Variants in WDR59 observed in about 807,000 individuals in gnomAD.
WDR59 encodes WD repeat domain 59, also known as GATOR2 complex protein WDR59.
In WDR59, 100 loss-of-function variants were observed where a neutral mutation model predicts 131.2. The ratio of observed to expected loss-of-function variants is 0.76; its 90% CI spans 0.65 to 0.90. The LOEUF is 0.90. WDR59 is among the 40% of genes least tolerant of loss of function. The pLI is 0.00. For synonymous variants in WDR59, 601 were observed against 466.2 expected (o/e 1.29, Z -3.72); for missense variants, 1,203 against 1,262.2 (o/e 0.95, Z 0.71).
At chr16:74,934,710 G>A (rs11642484) in intron 8 of WDR59, among the ~76,000 whole-genome samples, 80,331 of 152,126 alleles carry the variant, frequency 0.53, 24,658 homozygotes, top group East Asian at 0.72. Context: ...CACTTTGGGA[G>A]GCTGAAGCAG....
intron 13 of WDR59, among the ~76,000 whole-genome samples, chr16:74,912,797 A>G (rs1050882217): frequency 1.3e-5 from 2 of 152,214 alleles, no homozygotes; most frequent in African/African-American, 4.8e-5. Context: ...AGTATTCCTT[A>G]TGGGAAACAA....
intron 14 of WDR59, 104 bp downstream of exon 14, chr16:74,912,094 G>T: frequency 6.7e-7 from 1 of 1,500,400 alleles, no homozygotes; most frequent in Non-Finnish European, 9.2e-7. Context: ...GTACGAAACA[G>T]ATGACTTCCG....
intron 10 of WDR59, among the ~76,000 whole-genome samples, chr16:74,921,408 A>C (rs2030211185): frequency 6.6e-6 from 1 of 152,240 alleles, no homozygotes; most frequent in Non-Finnish European, 1.5e-5. Context: ...ATGGGTAACT[A>C]ACAATGGGTT....
At chr16:74,976,834 A>G (rs1403344416) in intron 1 of WDR59, among the ~76,000 whole-genome samples, 1 of 152,080 alleles carries the variant, frequency 6.6e-6, no homozygotes, top group African/African-American at 2.4e-5. Context: ...CCTGGCCAAC[A>G]TGGCTCTATA....
intron 8 of WDR59, among the ~76,000 whole-genome samples, chr16:74,931,084 G>C (rs868854735): frequency 1.3e-5 from 2 of 151,914 alleles, no homozygotes; most frequent in Non-Finnish European, 2.9e-5. Flanking sequence ...AAATATCTAT[G>C]TGTGTTTTCC....
rs2033912728 is a variant in WDR59 at position 74,969,845 on chromosome 16, G to T, written c.55-4023C>A. 2.0e-5 allele frequency among the ~76,000 whole-genome samples: 3 copies of T among 151,986 alleles called. No homozygotes were observed. In the South Asian group the frequency reaches 6.2e-4, roughly 31 times the overall value. On this transcript the variant is annotated intron_variant, in intron 1 of 25. Transcript: ENST00000262144. ...ATTGTCACACAGGTTGGAGTACAGT[G>T]GCATGATCTCAGCTCACTGCAGCCT...
At chr16:74,948,695 A>G (rs994575139) in intron 5 of WDR59, 139 bp from the exon 6 acceptor site, 1 of 727,810 alleles carries the variant, frequency 1.4e-6, no homozygotes, top group Non-Finnish European at 2.4e-6. Flanking sequence ...AGGGCCTTAA[A>G]AAGAAGTCTA....
chr16:74,887,658 T>C (rs1403650575), intron 23 of WDR59, 25 bp downstream of exon 23: 2 of 1,612,142 alleles, frequency 1.2e-6, no homozygotes, highest in Non-Finnish European at 1.7e-6. Flanking sequence ...AAATCCAGCG[T>C]GGGCTAAGTC....
chr16:74,975,276 G>A (rs917917876), intron 1 of WDR59, among the ~76,000 whole-genome samples: 3 of 152,046 alleles, frequency 2.0e-5, no homozygotes, highest in Admixed American at 6.6e-5. Flanking sequence ...CAGGAGAATC[G>A]CTTGAACCCA....
chr16:74,976,436 T>C (rs1415056049), intron 1 of WDR59, among the ~76,000 whole-genome samples: 3 of 151,372 alleles, frequency 2.0e-5, no homozygotes, highest in East Asian at 1.9e-4. Context: ...TTTCTTTTTC[T>C]TTTCTTTTTT....
Position 74,948,571 on chromosome 16 carries a change from T to TA in WDR59, c.408-16dup, listed in dbSNP as rs1567422933. On this transcript the variant is annotated splice_polypyrimidine_tract_variant and intron_variant, in intron 5 of 25. Transcript: ENST00000262144. ...TCCTTGTGTCTCTGAAATATAAAAA[T>TA]AAAAAATCAAATCCCCAATTTATAT... 3 of 1,610,828 alleles carry TA rather than the reference T, an allele frequency of 1.9e-6. No homozygotes were observed. Among genetic ancestry groups the TA allele is most frequent in the Admixed American group, 1.7e-5 (1 of 59,940 alleles).
intron 13 of WDR59, among the ~76,000 whole-genome samples, chr16:74,914,931 AC>A (rs1446658231): frequency 6.6e-5 from 10 of 152,204 alleles, no homozygotes; most frequent in Admixed American, 5.2e-4. Context: ...TAGTTATGTA[AC>A]AGCACATATT....
chr16:74,951,096 G>C (rs1392714302), intron 4 of WDR59, among the ~76,000 whole-genome samples: 2 of 147,840 alleles, frequency 1.4e-5, no homozygotes, highest in Non-Finnish European at 3.0e-5. Flanking sequence ...GGAAGCGGTG[G>C]TTGCAGTGAG....
chr16:74,913,978 G>A (rs893638519), intron 13 of WDR59, among the ~76,000 whole-genome samples: 1 of 152,186 alleles, frequency 6.6e-6, no homozygotes, highest in Non-Finnish European at 1.5e-5. Flanking sequence ...AGGCCAAGGT[G>A]GGCAGATCAA....
chr16:74,923,854 T>C, intron 9 of WDR59, 72 bp downstream of exon 9: 1 of 1,338,392 alleles, frequency 7.5e-7, no homozygotes, highest in Non-Finnish European at 1.0e-6. Context: ...TAAGAGAAAA[T>C]GTCCCCGGGC....
chr16:74,948,484 G>T (rs764910668), intron 6 of WDR59, 35 bp downstream of exon 6: 1 of 1,602,652 alleles, frequency 6.2e-7, no homozygotes, highest in Non-Finnish European at 8.5e-7. Context: ...GACAAACCAA[G>T]GCGCCAGGGT....
intron 8 of WDR59, among the ~76,000 whole-genome samples, chr16:74,937,241 G>A (rs930765993): frequency 9.9e-5 from 15 of 152,048 alleles, no homozygotes; most frequent in African/African-American, 3.1e-4. Flanking sequence ...AGAAATAATC[G>A]GGTTACTGAA....
chr16:74,900,719 C>G (rs531416392), intron 18 of WDR59, among the ~76,000 whole-genome samples: 1 of 152,140 alleles, frequency 6.6e-6, no homozygotes, highest in Non-Finnish European at 1.5e-5. Flanking sequence ...TTTGGGTGAA[C>G]ATAACAATAT....
At chr16:74,912,431 A>T in intron 13 of WDR59, 69 bp from the exon 14 acceptor site, 1 of 1,508,196 alleles carries the variant, frequency 6.6e-7, no homozygotes, top group South Asian at 1.2e-5. Flanking sequence ...AAGCACATTT[A>T]ACTGAACGCT....
Sources: gnomAD v4.1 joint callset for allele counts (sites outside exome capture counted in the v4.1 genomes callset) on GRCh38, gnomAD v4.1.1 for gene constraint, MANE v1.5 for transcripts, NCBI Gene and HGNC (gene_info 2026-07-23, HGNC 2026-07-21) for gene names.